Variants in PDS5B observed in about 807,000 individuals in gnomAD.
PDS5B encodes the protein sister chromatid cohesion protein PDS5 homolog B.
PDS5B carries 51 observed loss-of-function variants against 184.1 expected under a neutral mutation model. The observed-to-expected ratio is 0.28, with a 90% CI of 0.22 to 0.35. The LOEUF is 0.35. PDS5B is among the 10% of genes least tolerant of loss of function. PDS5B has a pLI of 1.00. For synonymous variants in PDS5B, 566 were observed against 569.2 expected, an observed-to-expected ratio of 0.99 and a Z score of 0.08; for missense variants, 1,180 against 1,723.3, an observed-to-expected ratio of 0.68 and a Z score of 5.58.
rs1243719147 is a variant in PDS5B, at chr13:32,717,088, G to A, written c.2123+6982G>A. Among the ~76,000 whole-genome samples, 12 of 150,102 alleles carry A rather than the reference G, an allele frequency of 8.0e-5. 1 individual carries two copies. The highest frequency in any genetic ancestry group is 2.6e-4 in the Admixed American group (4 of 15,164). The stretch of plus-strand genomic sequence containing the variant: ...AGGTGGGGGGGTCAGCCCCCCGCCC[G>A]GCCAGCCGCCCCGTCCGGGAGGTGA... On this transcript the variant is annotated intron_variant, in intron 19 of 34. Transcript: ENST00000315596.
chr13:32,706,382 G>A (rs1011088680), intron 17 of PDS5B, among the ~76,000 whole-genome samples: 2 of 151,852 alleles, frequency 1.3e-5, no homozygotes, highest in Non-Finnish European at 2.9e-5. Context: ...GTTTCCTTTT[G>A]ATCTATTGTA....
At chr13:32,699,502 T>C (rs1426104382) in intron 15 of PDS5B, among the ~76,000 whole-genome samples, 1 of 152,214 alleles carries the variant, frequency 6.6e-6, no homozygotes, top group Non-Finnish European at 1.5e-5. Context: ...ATTTTAGACT[T>C]TCCTTGCATA....
chr13:32,634,633 G>A (rs895311724), intron 1 of PDS5B, among the ~76,000 whole-genome samples: 2 of 148,686 alleles, frequency 1.3e-5, no homozygotes, highest in African/African-American at 5.0e-5. Flanking sequence ...ACCCAGGCTA[G>A]AGTGCAGTGG....
intron 1 of PDS5B, among the ~76,000 whole-genome samples, chr13:32,620,502 A>G (rs938100361): frequency 1.3e-5 from 2 of 152,080 alleles, no homozygotes; most frequent in African/African-American, 4.8e-5. Context: ...AAAATACAAA[A>G]GATTAGCTGG....
intron 14 of PDS5B, among the ~76,000 whole-genome samples, chr13:32,695,435 G>A (rs1446157149): frequency 6.6e-6 from 1 of 151,884 alleles, no homozygotes; most frequent in Non-Finnish European, 1.5e-5. Flanking sequence ...GTTTCAGTTA[G>A]TGTCATAATG....
At chr13:32,609,151 A>G (rs574340889) in intron 1 of PDS5B, among the ~76,000 whole-genome samples, 1 of 152,302 alleles carries the variant, frequency 6.6e-6, no homozygotes, top group South Asian at 2.1e-4. Context: ...GCATAATGCA[A>G]CTATCCTTAG....
intron 1 of PDS5B, among the ~76,000 whole-genome samples, chr13:32,642,337 T>C (rs969595566): frequency 1.1e-4 from 16 of 152,186 alleles, no homozygotes; most frequent in African/African-American, 3.9e-4. Context: ...TGTTATATGC[T>C]ACTTTTCTTA....
chr13:32,669,919 C>G (rs182112237), intron 7 of PDS5B, among the ~76,000 whole-genome samples: 1 of 152,216 alleles, frequency 6.6e-6, no homozygotes, highest in Admixed American at 6.5e-5. Context: ...TGTAAAATCA[C>G]TTTCTAGTGG....
chr13:32,722,826 C>A (rs1002076123), intron 19 of PDS5B, among the ~76,000 whole-genome samples: 3 of 152,200 alleles, frequency 2.0e-5, no homozygotes, highest in African/African-American at 7.2e-5. Context: ...CAACAGACTG[C>A]CAAAGTATGG....
chr13:32,748,510 G>T (rs1181468299), intron 24 of PDS5B, among the ~76,000 whole-genome samples: 1 of 149,450 alleles, frequency 6.7e-6, no homozygotes, highest in Non-Finnish European at 1.5e-5. Context: ...GATCTGTCTA[G>T]GATCAACTTC....
chr13:32,699,575 T>C (rs1344282923), intron 15 of PDS5B, among the ~76,000 whole-genome samples, 155 bp from the exon 16 acceptor site: 1 of 152,206 alleles, frequency 6.6e-6, no homozygotes, highest in Non-Finnish European at 1.5e-5. Flanking sequence ...GTGTGAAAAT[T>C]GACTGTTGAA....
intron 1 of PDS5B, among the ~76,000 whole-genome samples, chr13:32,606,968 T>C (rs1279699102): frequency 6.6e-6 from 1 of 152,208 alleles, no homozygotes; most frequent in Admixed American, 6.5e-5. Flanking sequence ...ATTCGTCTAA[T>C]CTTTTTTCAA....
At chr13:32,686,639 G>C (rs1258565606) in intron 11 of PDS5B, among the ~76,000 whole-genome samples, 1 of 152,134 alleles carries the variant, frequency 6.6e-6, no homozygotes, top group Non-Finnish European at 1.5e-5. Context: ...TAAAAAATTA[G>C]CTAGGTGTGG....
Position 32,759,706 on chromosome 13 carries a change from C to A in PDS5B, c.3372+16C>A. The A allele has an allele frequency of 2.8e-6, 4 of 1,435,174 alleles. No homozygotes were observed. The South Asian group carries it at 5.0e-5, about 18-fold the overall frequency. 88.9% of individuals were successfully genotyped at this position (1,435,174 alleles called of 1,614,324 possible). ...TCCTGGAAAAGTATGTTTTGAGAAT[C>A]ATTTTAATTTTTATGTGGTAGCTTA... On this transcript the variant is annotated intron_variant, in intron 29 of 34. Coordinates refer to ENST00000315596, the MANE Select transcript of PDS5B (RefSeq NM_015032.4).
chr13:32,628,972 G>C (rs1233776647), intron 1 of PDS5B, among the ~76,000 whole-genome samples: 1 of 152,156 alleles, frequency 6.6e-6, no homozygotes, highest in Non-Finnish European at 1.5e-5. Flanking sequence ...CTGGGTTGAA[G>C]GGAATGTGTC....
intron 19 of PDS5B, among the ~76,000 whole-genome samples, chr13:32,716,343 C>T (rs1431733702): frequency 1.3e-5 from 2 of 152,074 alleles, no homozygotes; most frequent in Non-Finnish European, 2.9e-5. Context: ...AGCGCCCCTG[C>T]CCGGCTGCGA....
At chr13:32,587,150 C>T (rs567654049) in intron 1 of PDS5B, among the ~76,000 whole-genome samples, 2 of 147,750 alleles carry the variant, frequency 1.4e-5, no homozygotes, top group African/African-American at 4.9e-5. Flanking sequence ...GACCGCGGGT[C>T]GGGGCCGCGG....
rs981587280 is a variant in PDS5B, at chr13:32,699,889, G to T, written c.1740+20G>T. 1 of 1,524,796 alleles carries T rather than the reference G, an allele frequency of 6.6e-7. No homozygotes were observed. Among genetic ancestry groups the T allele is most frequent in the African/African-American group, 1.4e-5 (1 of 69,334 alleles). 94.5% of individuals were successfully genotyped at this position (1,524,796 alleles called of 1,614,324 possible). On this transcript the variant is annotated intron_variant, in intron 16 of 34. Transcript: ENST00000315596. ...TGTGTGGTAAGGAGAGAAAAGAGCT[G>T]ATGTTTGAAAAAGCCCCCAAATCTT...
chr13:32,760,104 T>C (rs934077266), intron 29 of PDS5B, among the ~76,000 whole-genome samples: 13 of 152,208 alleles, frequency 8.5e-5, no homozygotes, highest in Admixed American at 1.3e-4. Flanking sequence ...TACAGGTGCC[T>C]GCCACCACGC....
Sources: gnomAD v4.1 joint callset for allele counts (sites outside exome capture counted in the v4.1 genomes callset) on GRCh38, gnomAD v4.1.1 for gene constraint, MANE v1.5 for transcripts, NCBI Gene and HGNC (gene_info 2026-07-23, HGNC 2026-07-21) for gene names.